ACOX3: variants seen among roughly 807,000 people sequenced by gnomAD.
ACOX3 encodes acyl-CoA oxidase 3, pristanoyl.
ACOX3 carries 73 observed loss-of-function variants against 81.5 expected under a neutral mutation model. The observed-to-expected ratio is 0.90, with a 90% confidence interval of 0.74 to 1.09. The LOEUF (loss-of-function observed/expected upper bound fraction) is 1.09. Ranked by LOEUF, ACOX3 falls within the 50% of genes least tolerant of loss-of-function variation. The probability of loss-of-function intolerance (pLI) is 0.00; values close to 1 mark genes in which losing one functional copy is unlikely to be tolerated. For missense variants in ACOX3, 947 were observed against 928.0 expected (o/e 1.02, Z -0.27); for synonymous variants, 387 against 375.1 (o/e 1.03, Z -0.37).
chr4:8,360,547 T>C, the ACOX3 span, among the ~76,000 whole-genome samples: 1 of 151,700 alleles, frequency 6.6e-6, no homozygotes, highest in Non-Finnish European at 1.5e-5. Context: ...TCTCGGCTCA[T>C]TGCAAGCTCC....
chr4:8,440,062 A>T (rs988320860), intron 1 of ACOX3, among the ~76,000 whole-genome samples: 2 of 152,242 alleles, frequency 1.3e-5, no homozygotes, highest in African/African-American at 2.4e-5. Context: ...TAAATTCCAG[A>T]CATTGTATGA....
Position 8,377,119 on chromosome 4 carries a change from C to T in ACOX3, c.1654-1967G>A, listed in dbSNP as rs181947490. Among the ~76,000 whole-genome samples, 856 of 152,270 alleles carry T rather than the reference C, an allele frequency of 5.6e-3. 2 individuals carry two copies. The highest frequency in any genetic ancestry group is 7.1e-3 in the Non-Finnish European group (484 of 68,024). On this transcript the variant is annotated intron_variant, in intron 14 of 17. Transcript: ENST00000356406. ...ATTCCATTGAATCCTGCCCACACCCCAAAACGTGCTCCCACACCACGAGGG... is the reference window on the plus strand; with the variant it reads ...ATTCCATTGAATCCTGCCCACACCCTAAAACGTGCTCCCACACCACGAGGG...
At chr4:8,401,654 C>T (rs1332717304) in intron 7 of ACOX3, among the ~76,000 whole-genome samples, 1 of 152,206 alleles carries the variant, frequency 6.6e-6, no homozygotes, top group African/African-American at 2.4e-5. Flanking sequence ...GTGGAGGATC[C>T]CCCCAAGCTG....
At chr4:8,393,123 C>CT (rs201067330) in intron 10 of ACOX3, 36,386 of 147,618 alleles carry the variant, frequency 0.25, 5,044 homozygotes, top group African/African-American at 0.38. Context: ...GTGCTGCAGG[C>CT]TTTTTTTTAA....
At position 8,405,283 on chromosome 4, in the gene ACOX3, C is replaced by T. The variant is rs1268084462; in HGVS notation, c.776+672G>A. 6.6e-6 allele frequency among the ~76,000 whole-genome samples: 1 copy of T among 152,182 alleles called. No homozygotes were observed. Among genetic ancestry groups the T allele is most frequent in the East Asian group, 1.9e-4 (1 of 5,188 alleles). ...TTCCCACTGCTTCCTCCACCTGAAA[C>T]GCTGCACATTCCAAAATCACTGGCC... On this transcript the variant is annotated intron_variant, in intron 7 of 17. Transcript: ENST00000356406. The surrounding 1 kb of genome is among the most constrained non-coding windows in gnomAD (Gnocchi z 7.1).
At chr4:8,377,459 C>CA (rs1717114990) in intron 14 of ACOX3, among the ~76,000 whole-genome samples, 1 of 144,758 alleles carries the variant, frequency 6.9e-6, no homozygotes, top group African/African-American at 2.8e-5. Flanking sequence ...CAGCGTCACT[C>CA]GGCTCTGCAG....
Position 8,399,388 on chromosome 4 carries a change from C to T in ACOX3, c.873+168G>A, listed in dbSNP as rs114859491. On this transcript the variant is annotated intron_variant, in intron 8 of 17. Transcript: ENST00000356406. The surrounding 1 kb of genome is among the most constrained non-coding windows in gnomAD (Gnocchi z 4.9). The stretch of plus-strand genomic sequence containing the variant: ...TGGTGCTGTGGCTGCCCCAAGAGTC[C>T]CCTTCTAGCGGGAGCACCAGAACCC... Among the ~76,000 whole-genome samples, 708 of 152,326 alleles carry T rather than the reference C, an allele frequency of 4.6e-3. 6 individuals carry two copies. The highest frequency in any genetic ancestry group is 0.016 in the African/African-American group (668 of 41,564).
In ACOX3 at chr4:8,406,619, T is replaced by C. The variant is rs1437402877; in HGVS notation, c.688-576A>G. Among the ~76,000 whole-genome samples the C allele has an allele frequency of 6.6e-6, 1 of 151,934 alleles. No individual in the cohort carries two copies. Among genetic ancestry groups the C allele is most frequent in the Non-Finnish European group, 1.5e-5 (1 of 67,992 alleles). ...AAGGCAGGATAAGGAGAGTGAGCCA[T>C]CTCCAATGATAGGTAAGACCACATG... On this transcript the variant is annotated intron_variant, in intron 6 of 17. Transcript: ENST00000356406. The surrounding 1 kb of genome is among the most constrained non-coding windows in gnomAD (Gnocchi z 5.6).
rs1447880234 is a variant in ACOX3 at position 8,414,767 on chromosome 4, C to A, written c.453+87G>T. Reference sequence around the variant, plus strand: ...GAAGAGCATAAGCCCCCTGGGCACCCCCTTCTACAATCTTCTCTTTTCACA... The same window carrying A: ...GAAGAGCATAAGCCCCCTGGGCACCACCTTCTACAATCTTCTCTTTTCACA... On this transcript the variant is annotated intron_variant, in intron 4 of 17. Coordinates refer to ENST00000356406, the MANE Select transcript of ACOX3 (RefSeq NM_003501.3). This position sits in a 1 kb window ranked among gnomAD's most constrained non-coding sequence, Gnocchi z 6.1. The A allele has an allele frequency of 2.2e-6, 3 of 1,370,160 alleles. No homozygotes were observed. Among genetic ancestry groups the A allele is most frequent in the South Asian group, 1.2e-5 (1 of 85,452 alleles). The allele number at this position is 1,370,160 out of a possible 1,614,324, so 84.9% of individuals were successfully genotyped here.
chr4:8,398,020 G>T (rs1428598104), intron 8 of ACOX3, among the ~76,000 whole-genome samples: 4 of 152,192 alleles, frequency 2.6e-5, no homozygotes, highest in African/African-American at 9.6e-5. Flanking sequence ...AATTAGCCAG[G>T]CCTGGCGGCG....
chr4:8,365,966 C>T (rs566723195), downstream of ACOX3, among the ~76,000 whole-genome samples: 7 of 152,254 alleles, frequency 4.6e-5, no homozygotes, highest in East Asian at 1.9e-4. Flanking sequence ...TGTGGTGATA[C>T]GAGTGTGGCC....
At chr4:8,434,187 C>G in intron 1 of ACOX3, among the ~76,000 whole-genome samples, 1 of 152,194 alleles carries the variant, frequency 6.6e-6, no homozygotes, top group Non-Finnish European at 1.5e-5. Flanking sequence ...AGTCACGTTT[C>G]CCACACTTGC....
At chr4:8,421,330 T>C (rs1212256273) in intron 1 of ACOX3, among the ~76,000 whole-genome samples, 1 of 152,246 alleles carries the variant, frequency 6.6e-6, no homozygotes, top group African/African-American at 2.4e-5. Flanking sequence ...TCCCCAACCC[T>C]TTTGGGTTGG....
chr4:8,371,344 A>T (rs1716166120), intron 16 of ACOX3, among the ~76,000 whole-genome samples: 1 of 152,212 alleles, frequency 6.6e-6, no homozygotes, highest in African/African-American at 2.4e-5. Flanking sequence ...CTGCTGTTCC[A>T]GTAAAGGAAA....
chr4:8,430,020 G>T lies in ACOX3; in HGVS notation c.-15+10628C>A, dbSNP rs1466647158. Among the ~76,000 whole-genome samples, 1 of 152,140 alleles carries T rather than the reference G, an allele frequency of 6.6e-6. No homozygotes were observed. Among genetic ancestry groups the T allele is most frequent in the African/African-American group, 2.4e-5 (1 of 41,414 alleles). On this transcript the variant is annotated intron_variant, in intron 1 of 17. Transcript: ENST00000356406. This position sits in a 1 kb window ranked among gnomAD's most constrained non-coding sequence, Gnocchi z 5.2. ...TCAGTTATGGGGAGGAGAAAGAGAA[G>T]TACAATTTTAAATGTGTATCAAGTT... is the stretch of plus-strand genomic sequence containing the variant.
At chr4:8,395,682 G>A (rs73209485) in intron 9 of ACOX3, among the ~76,000 whole-genome samples, 20,009 of 152,288 alleles carry the variant, frequency 0.13, 1,980 homozygotes, top group African/African-American at 0.28. Flanking sequence ...GGTAAGGCCA[G>A]GCATGGTGGC....
At chr4:8,420,800 G>C (rs1272142346) in intron 1 of ACOX3, among the ~76,000 whole-genome samples, 1 of 152,140 alleles carries the variant, frequency 6.6e-6, no homozygotes, top group Non-Finnish European at 1.5e-5. Flanking sequence ...CACCCCTCCG[G>C]ATCCAGCAGG....
At position 8,366,845 on chromosome 4, in the gene ACOX3, G is replaced by A; in HGVS notation, c.*116C>T. ...GCCAATCAGCAGTTTAGGCGCACAG[G>A]TGCGGGCTCAGAAAGCAGCAGCAAT... On this transcript the variant is annotated 3_prime_UTR_variant, in exon 18 of 18. Coordinates refer to ENST00000356406, the MANE Select transcript of ACOX3 (RefSeq NM_003501.3). 1.4e-6 allele frequency: 2 copies of A among 1,455,888 alleles called. No homozygotes were observed. The highest frequency in any genetic ancestry group is 1.9e-6 in the Non-Finnish European group (2 of 1,066,392). 90.2% of individuals were successfully genotyped at this position (1,455,888 alleles called of 1,614,324 possible).
At chr4:8,392,293 C>T (rs771138296) in intron 11 of ACOX3, 40 bp downstream of exon 11, 2 of 1,459,138 alleles carry the variant, frequency 1.4e-6, no homozygotes, top group Non-Finnish European at 1.8e-6. Context: ...AACAGCAGGG[C>T]TAAGGACAGG....
Sources: allele counts gnomAD v4.1 joint callset (sites outside exome capture counted in the v4.1 genomes callset), GRCh38; gene constraint gnomAD v4.1.1; non-coding constraint Gnocchi (gnomAD v3.1); transcripts MANE v1.5; gene names NCBI Gene and HGNC (gene_info 2026-07-23, HGNC 2026-07-21).